Variants in PLAAT4 observed in about 807,000 individuals in gnomAD.
PLAAT4 encodes the protein HRAS-like suppressor 4.
Under a neutral mutation model 14.1 loss-of-function variants are expected in PLAAT4, and 12 were observed. That is an observed-to-expected ratio of 0.85 (90% CI 0.54 to 1.37). The LOEUF (loss-of-function observed/expected upper bound fraction) is 1.37, where lower values mean the gene tolerates loss of function less well. PLAAT4 is among the 40% of genes most tolerant of loss of function. PLAAT4 has a pLI of 0.00. For synonymous variants in PLAAT4, 77 were observed against 79.8 expected (o/e 0.96, Z 0.19); for missense variants, 163 against 211.7 (o/e 0.77, Z 1.43).
intron 2 of PLAAT4, among the ~76,000 whole-genome samples, chr11:63,541,792 T>C (rs2017324069): frequency 6.6e-6 from 1 of 152,172 alleles, no homozygotes; most frequent in Non-Finnish European, 1.5e-5. Context: ...CATTTGTATT[T>C]TCTACAATTA....
chr11:63,542,472 T>A (rs1409869378), intron 2 of PLAAT4, among the ~76,000 whole-genome samples: 1 of 152,228 alleles, frequency 6.6e-6, no homozygotes, highest in Non-Finnish European at 1.5e-5. Flanking sequence ...AAGCAGCATT[T>A]ACAACGTGTC....
At chr11:63,538,423 A>G in intron 1 of PLAAT4, 1 of 367,610 alleles carries the variant, frequency 2.7e-6, no homozygotes, top group Non-Finnish European at 5.4e-6. Context: ...AAGTCAGTGG[A>G]TGGGATATTG....
At position 63,538,529 on chromosome 11, in the gene PLAAT4, C is replaced by T. The variant is rs189052599; in HGVS notation, c.10-987C>T. 2.1e-5 allele frequency: 5 copies of T among 242,234 alleles called. No homozygotes were observed. The East Asian group carries it at 8.6e-4, about 42-fold the overall frequency. The allele number at this position is 242,234 out of a possible 1,614,324, so 15.0% of individuals were successfully genotyped here. On this transcript the variant is annotated intron_variant, in intron 1 of 3. Transcript: ENST00000255688. ...AGGAAGAGGGCAAAGGAGAGCAGAC[C>T]CCAGGTCTATGATGGGACATCCTGG... is the stretch of plus-strand genomic sequence containing the variant.
intron 2 of PLAAT4, 67 bp from the exon 3 acceptor site, chr11:63,544,554 T>C: frequency 1.3e-6 from 2 of 1,493,738 alleles, no homozygotes; most frequent in Non-Finnish European, 1.8e-6. Flanking sequence ...AGTTCCTTAG[T>C]GGAGATTTCA....
rs199541367 is a variant in PLAAT4, at chr11:63,539,559, G to A, written c.53G>A (p.Arg18His). The part of the protein sequence containing the change: ...PKPGDLIEIF[R>H]LGYEHWALYI... ...CCTGGAGACCTGATTGAGATTTTCC[G>A]CCTTGGCTATGAGCACTGGGCCCTG... The change falls in exon 2 of 4, where the codon CGC (arginine) becomes CAC (histidine). Residue 18 changes from arginine to histidine, a missense_variant. Transcript: ENST00000255688. The A allele has an allele frequency of 3.5e-4, 557 of 1,614,054 alleles. 1 individual carries two copies. The highest frequency in any genetic ancestry group is 2.0e-3 in the East Asian group (90 of 44,884).
Position 63,546,311 on chromosome 11 carries a change from G to C in PLAAT4, c.*55G>C. On this transcript the variant is annotated 3_prime_UTR_variant, in exon 4 of 4. Transcript: ENST00000255688. ...GCTGTGGGGGTCCCAGTGGAGATGA[G>C]CCTCCCCCATGCCTCCAGCAGCCTG... is the stretch of plus-strand genomic sequence containing the variant. 1 of 1,525,648 alleles carries C rather than the reference G, an allele frequency of 6.6e-7. No homozygotes were observed. Among genetic ancestry groups the C allele is most frequent in the Non-Finnish European group, 9.1e-7 (1 of 1,099,846 alleles). 94.5% of individuals were successfully genotyped at this position (1,525,648 alleles called of 1,614,324 possible).
intron 1 of PLAAT4, chr11:63,538,491 G>A: frequency 3.5e-6 from 1 of 282,182 alleles, no homozygotes; most frequent in South Asian, 2.7e-5. Flanking sequence ...TTTAGTGACT[G>A]GATATTGGCA....
intron 2 of PLAAT4, among the ~76,000 whole-genome samples, chr11:63,540,143 C>T (rs2017310018): frequency 1.3e-5 from 2 of 152,222 alleles, no homozygotes; most frequent in South Asian, 2.1e-4. Flanking sequence ...CGTTGCCTCC[C>T]GCAGCGAAGC....
intron 1 of PLAAT4, chr11:63,538,372 G>A: frequency 5.2e-6 from 2 of 383,890 alleles, no homozygotes; most frequent in South Asian, 1.9e-5. Flanking sequence ...TGGTCAGGGG[G>A]TTGTGGGGGT....
intron 2 of PLAAT4, among the ~76,000 whole-genome samples, chr11:63,543,076 T>C (rs1455172165): frequency 2.6e-5 from 4 of 152,252 alleles, no homozygotes; most frequent in Non-Finnish European, 4.4e-5. Context: ...TTCACTCATC[T>C]ATACCCTCCA....
At chr11:63,537,751 T>C (rs1458814782) in intron 1 of PLAAT4, among the ~76,000 whole-genome samples, 1 of 152,162 alleles carries the variant, frequency 6.6e-6, no homozygotes, top group African/African-American at 2.4e-5. Context: ...GAGGAGGAGC[T>C]GGGAGGGAGT....
intron 3 of PLAAT4, chr11:63,545,269 T>C (rs2017355298): frequency 4.2e-6 from 2 of 473,418 alleles, no homozygotes; most frequent in Non-Finnish European, 7.6e-6. Flanking sequence ...TCAGGGTCCG[T>C]GGACCTGTGT....
chr11:63,544,227 C>T lies in PLAAT4; in HGVS notation c.119-394C>T, dbSNP rs115316400. The stretch of plus-strand genomic sequence containing the variant: ...GGGGATTGGCCACAGAAGTGATGTA[C>T]ATGCATAGCATGGAATATGGCAGCA... On this transcript the variant is annotated intron_variant, in intron 2 of 3. Transcript: ENST00000255688. Among the ~76,000 whole-genome samples, 328 of 152,280 alleles carry T rather than the reference C, an allele frequency of 2.2e-3. 5 individuals carry two copies. The highest frequency in any genetic ancestry group is 7.6e-3 in the African/African-American group (316 of 41,546).
Position 63,544,871 on chromosome 11 carries a change from C to T in PLAAT4, c.369C>T (p.Gly123=). ...CEHFVTQLRY[G]KSRCKQVEKA... The stretch of plus-strand genomic sequence containing the variant: ...ACTTTGTCACCCAGCTGAGATATGG[C>T]AAGTCCCGCTGTAAACAGGTAAGGA... Residue 123 remains glycine, a synonymous_variant, in exon 3 of 4, where the codon GGC becomes GGT. Coordinates refer to ENST00000255688, the MANE Select transcript of PLAAT4 (RefSeq NM_004585.5). The T allele has an allele frequency of 1.2e-6, 2 of 1,614,228 alleles. No homozygotes were observed. The highest frequency in any genetic ancestry group is 1.7e-6 in the Non-Finnish European group (2 of 1,180,044).
intron 2 of PLAAT4, among the ~76,000 whole-genome samples, chr11:63,541,210 T>A (rs1456733592): frequency 6.6e-6 from 1 of 151,654 alleles, no homozygotes; most frequent in Non-Finnish European, 1.5e-5. Flanking sequence ...TTTTTTTTTT[T>A]AAGACAGAGT....
chr11:63,543,347 G>A lies in PLAAT4; in HGVS notation c.119-1274G>A, dbSNP rs188559081. On this transcript the variant is annotated intron_variant, in intron 2 of 3. Coordinates refer to ENST00000255688, the MANE Select transcript of PLAAT4 (RefSeq NM_004585.5). Reference sequence around the variant, plus strand: ...AGGAGTGCAAACCCCATTGGGAACTGCACATGCAAGGGATCAGGCTCACTG... The same window carrying A: ...AGGAGTGCAAACCCCATTGGGAACTACACATGCAAGGGATCAGGCTCACTG... 1.2e-3 allele frequency among the ~76,000 whole-genome samples: 177 copies of A among 152,344 alleles called. 1 individual carries two copies. The highest frequency in any genetic ancestry group is 3.2e-3 in the African/African-American group (134 of 41,580).
At chr11:63,539,165 G>A (rs2017299681) in intron 1 of PLAAT4, among the ~76,000 whole-genome samples, 1 of 152,168 alleles carries the variant, frequency 6.6e-6, no homozygotes, top group Non-Finnish European at 1.5e-5. Context: ...CTCAGTGAAG[G>A]TGCTGGTTCA....
At position 63,546,403 on chromosome 11, in the gene PLAAT4, G is replaced by A; in HGVS notation, c.*147G>A. On this transcript the variant is annotated 3_prime_UTR_variant, in exon 4 of 4. Transcript: ENST00000255688. ...CTGTTTCCCTCTCTCGCTGGCAAAA[G>A]TATGATCTAATTGAAACAAGACTGA... is the stretch of plus-strand genomic sequence containing the variant. 5.8e-6 allele frequency: 4 copies of A among 686,946 alleles called. No homozygotes were observed. The highest frequency in any genetic ancestry group is 1.0e-5 in the Non-Finnish European group (4 of 396,680). 42.6% of individuals were successfully genotyped at this position (686,946 alleles called of 1,614,324 possible). A position where few individuals can be genotyped will look rare whatever the true frequency, so the allele number is the denominator to read the frequency against.
At chr11:63,540,975 A>T (rs1208242697) in intron 2 of PLAAT4, among the ~76,000 whole-genome samples, 4 of 152,208 alleles carry the variant, frequency 2.6e-5, no homozygotes, top group African/African-American at 7.2e-5. Flanking sequence ...TTGTCACTGG[A>T]CAAAAACCAT....
Sources: gnomAD v4.1 joint callset for allele counts (sites outside exome capture counted in the v4.1 genomes callset) on GRCh38, gnomAD v4.1.1 for gene constraint, MANE v1.5 for transcripts, NCBI Gene and HGNC (gene_info 2026-07-23, HGNC 2026-07-21) for gene names.